The following PLCB1 variants were observed in gnomAD, a reference collection of about 807,000 sequenced individuals.
The protein encoded by PLCB1 is 1-phosphatidylinositol 4,5-bisphosphate phosphodiesterase beta-1.
In PLCB1, 46 loss-of-function variants were observed where a neutral mutation model predicts 161.8. That is an observed-to-expected ratio of 0.28 (90% CI 0.22 to 0.36). The LOEUF is 0.36. Among genes scored for constraint, PLCB1 ranks in the 10% least tolerant of loss-of-function variants. The pLI is 1.00. For missense variants in PLCB1, 1,016 were observed against 1,472.5 expected (o/e 0.69, Z 5.07); for synonymous variants, 517 against 503.7 (o/e 1.03, Z -0.35).
intron 31 of PLCB1, among the ~76,000 whole-genome samples, chr20:8,806,283 A>C (rs191114592): frequency 1.3e-5 from 2 of 151,960 alleles, no homozygotes; most frequent in Admixed American, 1.3e-4. Flanking sequence ...TGGGGAAGCA[A>C]TGCCAAGCAG....
intron 23 of PLCB1, among the ~76,000 whole-genome samples, chr20:8,750,078 A>G (rs1012486609): frequency 6.6e-6 from 1 of 152,118 alleles, no homozygotes; most frequent in Non-Finnish European, 1.5e-5. Flanking sequence ...TGACATTATA[A>G]AATTTATACA....
chr20:8,521,730 A>C (rs192210115), intron 3 of PLCB1, among the ~76,000 whole-genome samples: 1 of 152,186 alleles, frequency 6.6e-6, no homozygotes, highest in African/African-American at 2.4e-5. Flanking sequence ...CAATGATCCA[A>C]TGGAATGCTA....
In PLCB1 at chr20:8,657,259, G is replaced by A; in HGVS notation, c.670G>A (p.Glu224Lys). ...CCTCAACAACCTTTGCCCTCGACCT[G>A]AAATTGATAACATCTTTTCAGAATT... Reference protein sequence around the residue: ...VFLNNLCPRPEIDNIFSEFGA... With the variant: ...VFLNNLCPRPKIDNIFSEFGA... The change falls in exon 8 of 32, where the codon GAA (glutamate) becomes AAA (lysine). Residue 224 changes from glutamate (E) to lysine (K), a missense_variant. Transcript: ENST00000338037. 1 of 1,601,650 alleles carries A rather than the reference G, an allele frequency of 6.2e-7. No individual in the cohort carries two copies. Among genetic ancestry groups the A allele is most frequent in the East Asian group, 2.2e-5 (1 of 44,796 alleles).
At chr20:8,681,851 C>T (rs1386940998) in intron 9 of PLCB1, among the ~76,000 whole-genome samples, 1 of 152,144 alleles carries the variant, frequency 6.6e-6, no homozygotes, top group Non-Finnish European at 1.5e-5. Context: ...GGTGATCTTC[C>T]AGTTTCAAAA....
intron 23 of PLCB1, 27 bp downstream of exon 23, chr20:8,741,600 T>G (rs914072408): frequency 2.8e-5 from 40 of 1,450,736 alleles, no homozygotes; most frequent in Non-Finnish European, 3.8e-5. Flanking sequence ...ATTTTACATA[T>G]AGCATTAAGC....
intron 1 of PLCB1, among the ~76,000 whole-genome samples, chr20:8,148,784 A>T (rs1217078347): frequency 6.6e-6 from 1 of 152,242 alleles, no homozygotes; most frequent in East Asian, 1.9e-4. Context: ...AAATAAAATA[A>T]GCCAAACACA....
At chr20:8,838,072 TAA>T (rs3034968) in intron 31 of PLCB1, among the ~76,000 whole-genome samples, 31,196 of 148,344 alleles carry the variant, frequency 0.21, 3,924 homozygotes, top group African/African-American at 0.37. Flanking sequence ...CTATGTCAAA[TAA>T]AAAAAAAAAA....
At chr20:8,546,313 C>CAAAAAAAAA (rs369485988) in intron 3 of PLCB1, among the ~76,000 whole-genome samples, 6 of 102,930 alleles carry the variant, frequency 5.8e-5, no homozygotes, top group Non-Finnish European at 7.6e-5. Context: ...GACTCTATCT[C>CAAAAAAAAA]AAAAAAAAAA....
chr20:8,417,685 C>A (rs1211696896), intron 3 of PLCB1, among the ~76,000 whole-genome samples: 1 of 152,172 alleles, frequency 6.6e-6, no homozygotes, highest in East Asian at 1.9e-4. Context: ...TAATCAGATT[C>A]TCCAATTGAC....
chr20:8,769,337 A>G (rs1408247577), intron 26 of PLCB1, among the ~76,000 whole-genome samples: 1 of 152,152 alleles, frequency 6.6e-6, no homozygotes, highest in East Asian at 1.9e-4. Flanking sequence ...TTTAGAAGAC[A>G]TAACTTTCAA....
At chr20:8,472,749 T>C (rs763455566) in intron 3 of PLCB1, among the ~76,000 whole-genome samples, 2 of 151,900 alleles carry the variant, frequency 1.3e-5, no homozygotes, top group African/African-American at 4.8e-5. Flanking sequence ...AATTGAAGAG[T>C]AGCCAATTAG....
chr20:8,725,140 C>T (rs1979866086), intron 16 of PLCB1, among the ~76,000 whole-genome samples: 1 of 151,998 alleles, frequency 6.6e-6, no homozygotes, highest in Admixed American at 6.6e-5. Context: ...TACCTGTTTC[C>T]CAGAAGGGAA....
intron 3 of PLCB1, among the ~76,000 whole-genome samples, chr20:8,537,267 G>T (rs766011759): frequency 6.6e-6 from 1 of 152,156 alleles, no homozygotes; most frequent in African/African-American, 2.4e-5. Context: ...GTTTGATCCC[G>T]GACTTACAGT....
intron 3 of PLCB1, among the ~76,000 whole-genome samples, chr20:8,565,556 T>TA (rs959313795): frequency 4.0e-5 from 6 of 151,144 alleles, no homozygotes; most frequent in Admixed American, 3.3e-4. Context: ...TAAAGTATAA[T>TA]AAAAAATAAA....
intron 2 of PLCB1, among the ~76,000 whole-genome samples, chr20:8,308,427 G>A (rs1449614653): frequency 1.3e-5 from 2 of 151,612 alleles, no homozygotes; most frequent in African/African-American, 2.4e-5. Flanking sequence ...GACCAGCCTG[G>A]CCAACATGGT....
At chr20:8,761,232 T>A (rs927094704) in intron 25 of PLCB1, among the ~76,000 whole-genome samples, 1 of 152,218 alleles carries the variant, frequency 6.6e-6, no homozygotes, top group African/African-American at 2.4e-5. Flanking sequence ...GGATTCCATA[T>A]ACACCAACTT....
chr20:8,789,616 G>T (rs774576146), intron 30 of PLCB1, 41 bp downstream of exon 30: 2 of 1,457,168 alleles, frequency 1.4e-6, no homozygotes, highest in Non-Finnish European at 1.9e-6. Context: ...CAAAACATGT[G>T]TGAACATTTG....
At chr20:8,393,013 A>G (rs1489385926) in intron 3 of PLCB1, among the ~76,000 whole-genome samples, 2 of 152,150 alleles carry the variant, frequency 1.3e-5, no homozygotes, top group African/African-American at 4.8e-5. Context: ...GTCCATAGAG[A>G]TTTCAAGAAG....
At chr20:8,246,649 A>C (rs1980894604) in intron 2 of PLCB1, among the ~76,000 whole-genome samples, 1 of 151,940 alleles carries the variant, frequency 6.6e-6, no homozygotes, top group Non-Finnish European at 1.5e-5. Flanking sequence ...AAGCAAAGCA[A>C]AATAAATTTT....
Sources: allele counts gnomAD v4.1 joint callset (sites outside exome capture counted in the v4.1 genomes callset), GRCh38; gene constraint gnomAD v4.1.1; transcripts MANE v1.5; gene names NCBI Gene and HGNC (gene_info 2026-07-23, HGNC 2026-07-21).